LINS1: variants seen among roughly 807,000 people sequenced by gnomAD.
LINS1 encodes lines homolog 1.
A neutral mutation model predicts 41.6 loss-of-function variants in LINS1; 27 were observed. The ratio of observed to expected loss-of-function variants is 0.65; its 90% CI spans 0.48 to 0.89. The LOEUF is 0.89. Ranked by LOEUF, LINS1 falls within the 40% of genes least tolerant of loss-of-function variation. The probability of loss-of-function intolerance (pLI) is 0.00; values close to 1 mark genes in which losing one functional copy is unlikely to be tolerated. For missense variants in LINS1, 955 were observed against 884.1 expected (o/e 1.08, Z -1.02); for synonymous variants, 336 against 312.9 (o/e 1.07, Z -0.78).
Position 100,569,466 on chromosome 15 carries a change from C to T in LINS1, c.2046G>A (p.Leu682=). The change falls in exon 7 of 7, where the codon CTG becomes CTA. Residue 682 remains leucine, a synonymous_variant. Transcript: ENST00000314742. ...EFSLEPPSRP[L]VLKEFDTAFS... ...AGGCAGTATCAAATTCTTTCAGAAC[C>T]AGAGGCCTTGATGGAGGCTCAAGGC... 6.2e-7 allele frequency: 1 copy of T among 1,614,136 alleles called. No homozygotes were observed. The highest frequency in any genetic ancestry group is 1.3e-5 in the African/African-American group (1 of 75,028).
intron 1 of LINS1, among the ~76,000 whole-genome samples, chr15:100,592,631 T>C (rs1194420706): frequency 1.3e-5 from 2 of 152,230 alleles, no homozygotes; most frequent in Non-Finnish European, 2.9e-5. Context: ...GCTCTGAAGC[T>C]GTCTTGAGCT....
intron 1 of LINS1, among the ~76,000 whole-genome samples, chr15:100,599,733 A>G (rs2039396373): frequency 6.6e-6 from 1 of 152,178 alleles, no homozygotes; most frequent in Admixed American, 6.5e-5. Flanking sequence ...AGTAAATGTT[A>G]TAAAACTGAA....
chr15:100,569,976 A>G lies in LINS1; in HGVS notation c.1536T>C (p.Phe512=). 3 of 1,573,982 alleles carry G rather than the reference A, an allele frequency of 1.9e-6. No homozygotes were observed. Among genetic ancestry groups the G allele is most frequent in the Non-Finnish European group, 2.6e-6 (3 of 1,160,856 alleles). ...IGFDSTVLLD[F]LISSETCFLE... is the part of the protein sequence containing the mutation. ...GAAAACAGGTTTCTGATGAAATCAA[A>G]AAGTCAAGAAGAACTGTGGAATCAA... Residue 512 remains phenylalanine (F), a synonymous_variant, in exon 7 of 7, where the codon TTT becomes TTC. Transcript: ENST00000314742.
Position 100,579,135 on chromosome 15 carries a change from T to A in LINS1, c.489+1128A>T, listed in dbSNP as rs1001985835. Reference sequence around the variant, plus strand: ...CACATGTATACATATGTAACAAACCTGCACGTTGTGCACATGTACCCTAGA... The same window carrying A: ...CACATGTATACATATGTAACAAACCAGCACGTTGTGCACATGTACCCTAGA... On this transcript the variant is annotated intron_variant, in intron 3 of 6. Transcript: ENST00000314742. 1.8e-3 allele frequency among the ~76,000 whole-genome samples: 272 copies of A among 151,960 alleles called. 1 individual carries two copies. Among genetic ancestry groups the A allele is most frequent in the Non-Finnish European group, 2.9e-3 (196 of 67,948 alleles).
At position 100,580,641 on chromosome 15, in the gene LINS1, G is replaced by T; in HGVS notation, c.202C>A (p.Pro68Thr). The T allele has an allele frequency of 3.1e-6, 5 of 1,613,966 alleles. No individual in the cohort carries two copies. Among genetic ancestry groups the T allele is most frequent in the Non-Finnish European group, 4.2e-6 (5 of 1,179,934 alleles). ...RHQPISVGVA[P>T]IAVAPVCLKT... is the part of the protein sequence containing the mutation. ...AAACACACAGGTGCTACAGCAATGG[G>T]AGCCACACCAACAGAGATGGGCTGA... Residue 68 changes from proline to threonine, a missense_variant, in exon 2 of 7, where the codon CCC becomes ACC. By Grantham distance (38) the Pro-to-Thr change is conservative. Coordinates refer to ENST00000314742, the MANE Select transcript of LINS1 (RefSeq NM_001040616.3).
chr15:100,572,117 A>C, intron 5 of LINS1, 52 bp from the exon 6 acceptor site: 1 of 1,605,426 alleles, frequency 6.2e-7, no homozygotes, highest in Non-Finnish European at 8.5e-7. Flanking sequence ...GAATGAATGA[A>C]TATCTTGCCT....
intron 1 of LINS1, among the ~76,000 whole-genome samples, chr15:100,588,237 T>A (rs1285179888): frequency 6.6e-6 from 1 of 152,194 alleles, no homozygotes; most frequent in Non-Finnish European, 1.5e-5. Flanking sequence ...GCCCAGCCAA[T>A]TGGTCAGTCA....
chr15:100,568,192 T>G lies in LINS1; in HGVS notation c.*1046A>C, dbSNP rs2037623435. The G allele has an allele frequency of 6.6e-6, 1 of 152,094 alleles. No homozygotes were observed. The highest frequency in any genetic ancestry group is 2.4e-5 in the African/African-American group (1 of 41,398). 9.4% of individuals were successfully genotyped at this position (152,094 alleles called of 1,614,324 possible). A position where few individuals can be genotyped will look rare whatever the true frequency, so the allele number is the denominator to read the frequency against. ...AATCATGTTCATACAGTAGGCCAGG[T>G]ATAATCACTTCTCAAAGAAACGGCT... On this transcript the variant is annotated 3_prime_UTR_variant, in exon 7 of 7. Coordinates refer to ENST00000314742, the MANE Select transcript of LINS1 (RefSeq NM_001040616.3).
At chr15:100,593,915 G>A (rs958844366) in intron 1 of LINS1, among the ~76,000 whole-genome samples, 6 of 152,150 alleles carry the variant, frequency 3.9e-5, no homozygotes, top group African/African-American at 1.4e-4. Context: ...TTTTTCAAAA[G>A]ATACTCAGCA....
intron 1 of LINS1, among the ~76,000 whole-genome samples, chr15:100,593,456 C>T (rs887098530): frequency 6.6e-6 from 1 of 151,462 alleles, no homozygotes; most frequent in South Asian, 2.1e-4. Flanking sequence ...ATACTTCCCA[C>T]CCATCTTCAC....
chr15:100,575,202 G>A (rs2038092503), intron 3 of LINS1, 74 bp from the exon 4 acceptor site: 2 of 1,323,714 alleles, frequency 1.5e-6, no homozygotes, highest in Non-Finnish European at 2.1e-6. Context: ...ATACAACATT[G>A]TTTATACATT....
At chr15:100,592,741 C>A (rs1318845642) in intron 1 of LINS1, among the ~76,000 whole-genome samples, 4 of 152,130 alleles carry the variant, frequency 2.6e-5, no homozygotes, top group Non-Finnish European at 5.9e-5. Flanking sequence ...AGGAGATGGG[C>A]CTGTAATCTT....
intron 1 of LINS1, among the ~76,000 whole-genome samples, chr15:100,601,247 G>A (rs2039480090): frequency 6.6e-6 from 1 of 152,138 alleles, no homozygotes; most frequent in African/African-American, 2.4e-5. Flanking sequence ...AATTTATAAA[G>A]AAAAGTAATT....
At chr15:100,584,636 AAC>A (rs1293179489) in intron 1 of LINS1, among the ~76,000 whole-genome samples, 2 of 152,236 alleles carry the variant, frequency 1.3e-5, no homozygotes, top group Non-Finnish European at 2.9e-5. Flanking sequence ...ATCCTCTTAC[AAC>A]ATGCTTCTGA....
At chr15:100,596,449 T>G (rs2039249088) in intron 1 of LINS1, among the ~76,000 whole-genome samples, 1 of 152,224 alleles carries the variant, frequency 6.6e-6, no homozygotes, top group Non-Finnish European at 1.5e-5. Context: ...AGGCCAGATT[T>G]TTTTGGCATG....
At chr15:100,578,535 G>A (rs2038328319) in intron 3 of LINS1, among the ~76,000 whole-genome samples, 1 of 152,138 alleles carries the variant, frequency 6.6e-6, no homozygotes, top group South Asian at 2.1e-4. Context: ...ACAGGTGCTG[G>A]AGAGGATGGG....
At chr15:100,574,445 C>G (rs1254125633) in intron 4 of LINS1, among the ~76,000 whole-genome samples, 1 of 152,202 alleles carries the variant, frequency 6.6e-6, no homozygotes, top group Non-Finnish European at 1.5e-5. Flanking sequence ...TGGTGGCTCA[C>G]AACTGTAATC....
intron 5 of LINS1, chr15:100,573,289 A>C: frequency 1.2e-6 from 1 of 818,274 alleles, no homozygotes; most frequent in Non-Finnish European, 1.5e-6. Context: ...GCAGTGGGCC[A>C]TGGTCACGCA....
intron 4 of LINS1, 71 bp from the exon 5 acceptor site, chr15:100,574,312 T>G (rs2038028644): frequency 1.0e-6 from 1 of 996,576 alleles, no homozygotes; most frequent in Non-Finnish European, 1.6e-6. Flanking sequence ...AATTCACTTT[T>G]TATAAATATC....
Sources: allele counts gnomAD v4.1 joint callset (sites outside exome capture counted in the v4.1 genomes callset), GRCh38; gene constraint gnomAD v4.1.1; transcripts MANE v1.5; gene names NCBI Gene and HGNC (gene_info 2026-07-23, HGNC 2026-07-21).